Variants in THSD7A observed in about 807,000 individuals in gnomAD.
THSD7A encodes thrombospondin type 1 domain containing 7A, also known as thrombospondin type-1 domain-containing protein 7A.
In THSD7A, 96 loss-of-function variants were observed where a neutral mutation model predicts 231.3. The observed-to-expected ratio is 0.41, with a 90% confidence interval of 0.35 to 0.49. The LOEUF (loss-of-function observed/expected upper bound fraction) is 0.49. Among genes scored for constraint, THSD7A ranks in the 20% least tolerant of loss-of-function variants. THSD7A has a pLI of 0.05. For synonymous variants in THSD7A, 940 were observed against 743.3 expected, an observed-to-expected ratio of 1.26 and a Z score of -4.30; for missense variants, 2,290 against 2,070.2, an observed-to-expected ratio of 1.11 and a Z score of -2.06.
At chr7:11,771,506 T>A (rs1229246215) in intron 1 of THSD7A, among the ~76,000 whole-genome samples, 3 of 152,040 alleles carry the variant, frequency 2.0e-5, no homozygotes, top group African/African-American at 4.8e-5. Context: ...CAGATAACAA[T>A]CTCTAAGTTA....
rs1331747540 is a variant in THSD7A, at chr7:11,583,417, C to T, written c.1453+7043G>A. On this transcript the variant is annotated intron_variant, in intron 4 of 27. Coordinates refer to ENST00000423059, the MANE Select transcript of THSD7A (RefSeq NM_015204.3). Reference sequence around the variant, plus strand: ...TCAGCCTCCCATGTAGATGGGACTACAGGTGCATGCCATCACGCCTGGCAG... The same window carrying T: ...TCAGCCTCCCATGTAGATGGGACTATAGGTGCATGCCATCACGCCTGGCAG... Among the ~76,000 whole-genome samples, 9 of 152,084 alleles carry T rather than the reference C, an allele frequency of 5.9e-5. No individual in the cohort carries two copies. The South Asian group carries it at 6.2e-4, about 10-fold the overall frequency.
chr7:11,379,162 T>G lies in THSD7A; in HGVS notation c.4709A>C (p.Asp1570Ala). The change falls in exon 26 of 28, where the codon GAT becomes GCT. Residue 1570 changes from aspartate (D) to alanine (A), a missense_variant. Asp to Ala is a moderately radical substitution (Grantham distance 126). Transcript: ENST00000423059. ...ATGTACAGCCCGACTGGTTTTCACA[T>G]CTCCTCTTTTGTCCTCCATGGTGGG... ...VLPTMEDKRG[D>A]VKTSRAVHPT... is the part of the protein sequence containing the mutation. 2 of 1,613,690 alleles carry G rather than the reference T, an allele frequency of 1.2e-6. No individual in the cohort carries two copies. The highest frequency in any genetic ancestry group is 1.7e-6 in the Non-Finnish European group (2 of 1,179,724).
chr7:11,596,958 C>T (rs1780384104), intron 2 of THSD7A, among the ~76,000 whole-genome samples: 2 of 152,246 alleles, frequency 1.3e-5, no homozygotes, highest in South Asian at 4.1e-4. Context: ...TACTGTCCTA[C>T]CTCAGGGGTA....
Position 11,831,719 on chromosome 7 carries a change from A to G in THSD7A, c.190+38T>C. 1 of 1,350,006 alleles carries G rather than the reference A, an allele frequency of 7.4e-7. No individual in the cohort carries two copies. The highest frequency in any genetic ancestry group is 9.6e-7 in the Non-Finnish European group (1 of 1,041,160). The allele number at this position is 1,350,006 out of a possible 1,614,324, so 83.6% of individuals were successfully genotyped here. ...CACCAGCTCCTTAATGTGGCCCCAG[A>G]TGTGAAGATGGGGAAAGGGTAACTC... On this transcript the variant is annotated intron_variant, in intron 1 of 27. Transcript: ENST00000423059. The surrounding 1 kb of genome is among the most constrained non-coding windows in gnomAD (Gnocchi z 5.0).
intron 24 of THSD7A, among the ~76,000 whole-genome samples, chr7:11,382,296 G>A (rs2115302028): frequency 6.6e-6 from 1 of 152,180 alleles, no homozygotes; most frequent in Non-Finnish European, 1.5e-5. Context: ...TTAAGTTTCA[G>A]CAGCAATACC....
At chr7:11,602,899 C>T (rs981518506) in intron 2 of THSD7A, among the ~76,000 whole-genome samples, 6 of 150,706 alleles carry the variant, frequency 4.0e-5, no homozygotes, top group African/African-American at 7.3e-5. Flanking sequence ...AAGACTTAAA[C>T]GTTAGACCTA....
intron 1 of THSD7A, among the ~76,000 whole-genome samples, chr7:11,681,937 C>T (rs542782500): frequency 4.2e-4 from 64 of 151,982 alleles, no homozygotes; most frequent in African/African-American, 1.5e-3. Flanking sequence ...AAGCCAGAAG[C>T]AACTAGGGCC....
At position 11,831,868 on chromosome 7, in the gene THSD7A, G is replaced by A. The variant is rs1583327030; in HGVS notation, c.79C>T (p.Pro27Ser). 3 of 1,289,478 alleles carry A rather than the reference G, an allele frequency of 2.3e-6. No homozygotes were observed. Among genetic ancestry groups the A allele is most frequent in the African/African-American group, 1.5e-5 (1 of 65,010 alleles). 79.9% of individuals were successfully genotyped at this position (1,289,478 alleles called of 1,614,324 possible). A position where few individuals can be genotyped will look rare whatever the true frequency, so the allele number is the denominator to read the frequency against. Residue 27 changes from proline (P) to serine (S), a missense_variant, in exon 1 of 28, where the codon CCG (proline) becomes TCG (serine). Physicochemically the swap from Pro to Ser is moderately conservative, Grantham distance 74 (BLOSUM62 -1). Transcript: ENST00000423059. This position sits in a 1 kb window ranked among gnomAD's most constrained non-coding sequence, Gnocchi z 5.0. ...GPRRGVLQLL[P>S]LPLPLPLLLL... Reference sequence around the variant, plus strand: ...AGCAGCGGCAGCGGCAGCGGCAGCGGCAGCAGCTGCAGGACGCCCCGGCGC... The same window carrying A: ...AGCAGCGGCAGCGGCAGCGGCAGCGACAGCAGCTGCAGGACGCCCCGGCGC...
rs1031101230 is a variant in THSD7A at position 11,832,179 on chromosome 7, G to A, written c.-233C>T. ...CGCCTCTGGCGGGGATGCTGCTGCC[G>A]CTGCCATTCCTCGCAGAATGGCAGG... On this transcript the variant is annotated 5_prime_UTR_variant, in exon 1 of 28. Coordinates refer to ENST00000423059, the MANE Select transcript of THSD7A (RefSeq NM_015204.3). 5 of 308,976 alleles carry A rather than the reference G, an allele frequency of 1.6e-5. No individual in the cohort carries two copies. The highest frequency in any genetic ancestry group is 2.2e-5 in the African/African-American group (1 of 45,644). The allele number at this position is 308,976 out of a possible 1,614,324, so 19.1% of individuals were successfully genotyped here.
chr7:11,735,743 T>C (rs1432258476), intron 1 of THSD7A, among the ~76,000 whole-genome samples: 1 of 151,948 alleles, frequency 6.6e-6, no homozygotes, highest in Non-Finnish European at 1.5e-5. Context: ...TCTAATATAA[T>C]GCTAAAATTG....
In THSD7A at chr7:11,832,136, C is replaced by T. The variant is rs551576381; in HGVS notation, c.-190G>A. ...TAGCGTCCGCGGTGGTGGCCGTGGC[C>T]GCTGCCGCCGCCGCCGCCGCCTCTG... On this transcript the variant is annotated 5_prime_UTR_variant, in exon 1 of 28. Coordinates refer to ENST00000423059, the MANE Select transcript of THSD7A (RefSeq NM_015204.3). 30 of 361,470 alleles carry T rather than the reference C, an allele frequency of 8.3e-5. No homozygotes were observed. In the East Asian group the frequency reaches 1.3e-3, roughly 16 times the overall value. The allele number at this position is 361,470 out of a possible 1,614,324, so 22.4% of individuals were successfully genotyped here. A position where few individuals can be genotyped will look rare whatever the true frequency, so the allele number is the denominator to read the frequency against.
At chr7:11,489,693 C>G (rs1016023251) in intron 6 of THSD7A, among the ~76,000 whole-genome samples, 3 of 151,968 alleles carry the variant, frequency 2.0e-5, no homozygotes, top group African/African-American at 7.2e-5. Context: ...CACCCCACCC[C>G]CTAACGTCCT....
chr7:11,564,076 CT>C lies in THSD7A; in HGVS notation c.1454-20960del, dbSNP rs375466878. Among the ~76,000 whole-genome samples, 101 of 152,240 alleles carry C rather than the reference CT, an allele frequency of 6.6e-4. 1 individual carries two copies. The East Asian group carries it at 0.018, about 27-fold the overall frequency. ...CTTTTGGAGTTAGAGAAGGTCTAGGCTTGGTCTATTTTGGTTTACAATCGAG... is the reference window on the plus strand; with the variant it reads ...CTTTTGGAGTTAGAGAAGGTCTAGGCTGGTCTATTTTGGTTTACAATCGAG... On this transcript the variant is annotated intron_variant, in intron 4 of 27. Coordinates refer to ENST00000423059, the MANE Select transcript of THSD7A (RefSeq NM_015204.3).
chr7:11,638,911 C>T (rs1781970728), intron 1 of THSD7A, among the ~76,000 whole-genome samples: 1 of 152,134 alleles, frequency 6.6e-6, no homozygotes, highest in East Asian at 1.9e-4. Context: ...TAAATACTCA[C>T]TTTGGGAACC....
chr7:11,495,845 C>G (rs920209942), intron 6 of THSD7A, among the ~76,000 whole-genome samples: 1 of 151,842 alleles, frequency 6.6e-6, no homozygotes, highest in Non-Finnish European at 1.5e-5. Flanking sequence ...CTTACAAAGC[C>G]GGGGGAAAAT....
Position 11,411,082 on chromosome 7 carries a change from G to A in THSD7A, c.3798+125C>T, listed in dbSNP as rs1027825618. The A allele has an allele frequency of 3.1e-6, 2 of 654,364 alleles. No individual in the cohort carries two copies. The highest frequency in any genetic ancestry group is 2.5e-4 in the Middle Eastern group (1 of 4,006). The allele number at this position is 654,364 out of a possible 1,614,324, so 40.5% of individuals were successfully genotyped here. A position where few individuals can be genotyped will look rare whatever the true frequency, so the allele number is the denominator to read the frequency against. ...GTCTTTTCAAGAACATACTTAGCCT[G>A]TGAACAGTGCAGAAAAACATCTGCT... On this transcript the variant is annotated intron_variant, in intron 19 of 27. Coordinates refer to ENST00000423059, the MANE Select transcript of THSD7A (RefSeq NM_015204.3). The surrounding 1 kb of genome is among the most constrained non-coding windows in gnomAD (Gnocchi z 4.1).
rs189298877 is a variant in THSD7A at position 11,557,742 on chromosome 7, G to C, written c.1454-14625C>G. 9.1e-3 allele frequency among the ~76,000 whole-genome samples: 1,384 copies of C among 152,256 alleles called. 17 individuals are homozygous for C. The highest frequency in any genetic ancestry group is 0.013 in the Non-Finnish European group (884 of 68,002). ...TCTAGTTACTTTTATGTGGCTGTGT[G>C]TACTGGTTGCCTAATTGTCTTCACT... On this transcript the variant is annotated intron_variant, in intron 4 of 27. Transcript: ENST00000423059.
intron 2 of THSD7A, among the ~76,000 whole-genome samples, chr7:11,616,762 T>C (rs1224791402): frequency 6.6e-6 from 1 of 152,068 alleles, no homozygotes; most frequent in Non-Finnish European, 1.5e-5. Flanking sequence ...GCTTTAATTG[T>C]TTTTCTTGAA....
chr7:11,408,371 G>T (rs946837640), intron 19 of THSD7A, among the ~76,000 whole-genome samples: 1 of 151,982 alleles, frequency 6.6e-6, no homozygotes, highest in African/African-American at 2.4e-5. Flanking sequence ...GGTGGTGCAT[G>T]ACTGTAGTCC....
Sources: gnomAD v4.1 joint callset for allele counts (sites outside exome capture counted in the v4.1 genomes callset) on GRCh38, gnomAD v4.1.1 for gene constraint, Gnocchi (gnomAD v3.1) non-coding constraint, MANE v1.5 for transcripts, NCBI Gene and HGNC (gene_info 2026-07-23, HGNC 2026-07-21) for gene names.